The following SLC4A4 variants were observed in gnomAD, a reference collection of about 807,000 sequenced individuals.
SLC4A4 encodes solute carrier family 4 member 4.
A neutral mutation model predicts 111.5 loss-of-function variants in SLC4A4; 27 were observed. That is an observed-to-expected ratio of 0.24 (90% confidence interval 0.18 to 0.33). The LOEUF (loss-of-function observed/expected upper bound fraction) is 0.33, where lower values mean the gene tolerates loss of function less well. SLC4A4 is among the 10% of genes least tolerant of loss of function. The pLI, the probability that SLC4A4 is intolerant of heterozygous loss-of-function variation, is 1.00. For synonymous variants in SLC4A4, 443 were observed against 463.4 expected, an observed-to-expected ratio of 0.96 and a Z score of 0.57; for missense variants, 909 against 1,315.5, an observed-to-expected ratio of 0.69 and a Z score of 4.78.
At chr4:71,152,800 T>G (rs1744344429) in intron 2 of SLC4A4, among the ~76,000 whole-genome samples, 5 of 151,606 alleles carry the variant, frequency 3.3e-5, no homozygotes, top group Admixed American at 3.3e-4. Flanking sequence ...TTTCTATGCT[T>G]ATTTCACCTT....
chr4:71,451,114 C>G, intron 10 of SLC4A4, 74 bp from the exon 11 acceptor site: 1 of 976,368 alleles, frequency 1.0e-6, no homozygotes, highest in Admixed American at 1.8e-5. Context: ...CCCCATTAGC[C>G]AGAGCATGAT....
chr4:71,362,901 G>T (rs1466676974), intron 6 of SLC4A4, among the ~76,000 whole-genome samples: 1 of 152,086 alleles, frequency 6.6e-6, no homozygotes, highest in African/African-American at 2.4e-5. Context: ...CTCCATATTT[G>T]TAGGCACCCC....
At chr4:71,518,814 G>T (rs1732649802) in intron 16 of SLC4A4, among the ~76,000 whole-genome samples, 1 of 152,210 alleles carries the variant, frequency 6.6e-6, no homozygotes, top group South Asian at 2.1e-4. Flanking sequence ...GAGCCAGCCT[G>T]GTGTGGGGGC....
At chr4:71,324,287 T>C (rs9684793) in intron 3 of SLC4A4, among the ~76,000 whole-genome samples, 131,011 of 151,952 alleles carry the variant, frequency 0.86, 57,231 homozygotes, top group Non-Finnish European at 0.94. Flanking sequence ...GTTACTTAGT[T>C]TAGGTCACCA....
chr4:71,220,352 C>T (rs1204114495), intron 1 of SLC4A4, among the ~76,000 whole-genome samples: 1 of 152,098 alleles, frequency 6.6e-6, no homozygotes, highest in Admixed American at 6.5e-5. Context: ...GTAGTATAAA[C>T]GTAACTTTTA....
upstream of SLC4A4, among the ~76,000 whole-genome samples, chr4:71,182,535 A>G (rs570641921): frequency 7.4e-4 from 112 of 152,234 alleles, no homozygotes; most frequent in African/African-American, 2.6e-3. Flanking sequence ...GTCTCCAAGC[A>G]ATGGAACAGC....
At chr4:71,531,355 A>T (rs948731279) in intron 16 of SLC4A4, among the ~76,000 whole-genome samples, 1 of 152,188 alleles carries the variant, frequency 6.6e-6, no homozygotes, top group African/African-American at 2.4e-5. Context: ...GTCACATGCA[A>T]GAAGTGGTAG....
At chr4:71,514,550 G>T (rs1170596308) in intron 16 of SLC4A4, among the ~76,000 whole-genome samples, 1 of 152,146 alleles carries the variant, frequency 6.6e-6, no homozygotes, top group African/African-American at 2.4e-5. Context: ...CTCTTCAATT[G>T]TGTGGAATAG....
At chr4:71,076,818 A>G (rs1393312794) in intron 1 of SLC4A4, among the ~76,000 whole-genome samples, 1 of 151,908 alleles carries the variant, frequency 6.6e-6, no homozygotes, top group Non-Finnish European at 1.5e-5. Context: ...TGGCAAAACC[A>G]CATTTTTACA....
At chr4:71,260,992 G>A (rs114750128) in intron 3 of SLC4A4, among the ~76,000 whole-genome samples, 58 of 152,310 alleles carry the variant, frequency 3.8e-4, no homozygotes, top group Non-Finnish European at 6.6e-4. Context: ...ACTCTGTAGA[G>A]CTTAATTCCT....
At chr4:71,332,720 C>T (rs1252904348) in intron 3 of SLC4A4, among the ~76,000 whole-genome samples, 1 of 152,244 alleles carries the variant, frequency 6.6e-6, no homozygotes, top group Non-Finnish European at 1.5e-5. Context: ...GCGTGAGCCA[C>T]CGCGCCCGGC....
chr4:71,500,691 T>TAA (rs1487436614), intron 16 of SLC4A4, among the ~76,000 whole-genome samples: 1 of 152,208 alleles, frequency 6.6e-6, no homozygotes, highest in Non-Finnish European at 1.5e-5. Context: ...TGCATGTTGA[T>TAA]ATCTAGTTCA....
chr4:71,087,914 A>G (rs989175030), intron 1 of SLC4A4, among the ~76,000 whole-genome samples: 3 of 151,906 alleles, frequency 2.0e-5, no homozygotes, highest in Non-Finnish European at 4.4e-5. Context: ...GTAGATGTCT[A>G]TTAGGTCTGC....
chr4:71,432,190 A>G (rs1723698954), intron 7 of SLC4A4, among the ~76,000 whole-genome samples: 1 of 152,186 alleles, frequency 6.6e-6, no homozygotes. Flanking sequence ...GAGTGTAAGT[A>G]TATAAAACAG....
At chr4:71,134,865 A>G (rs945500073) in intron 2 of SLC4A4, among the ~76,000 whole-genome samples, 10 of 152,166 alleles carry the variant, frequency 6.6e-5, no homozygotes, top group African/African-American at 2.4e-4. Flanking sequence ...AATTTTAGGT[A>G]GGATGTTGGG....
intron 16 of SLC4A4, among the ~76,000 whole-genome samples, chr4:71,530,137 G>A (rs1733788251): frequency 6.6e-6 from 1 of 152,072 alleles, no homozygotes; most frequent in African/African-American, 2.4e-5. Context: ...TGTCATTAAT[G>A]GGCTTTTAAT....
At chr4:71,559,724 A>G (rs1333209104) in intron 22 of SLC4A4, among the ~76,000 whole-genome samples, 14 of 151,840 alleles carry the variant, frequency 9.2e-5, no homozygotes, top group Admixed American at 9.2e-4. Flanking sequence ...AATTTTTAAT[A>G]CTTAGAAATC....
intron 12 of SLC4A4, among the ~76,000 whole-genome samples, chr4:71,454,828 G>A (rs1726077958): frequency 6.6e-6 from 1 of 152,106 alleles, no homozygotes; most frequent in African/African-American, 2.4e-5. Flanking sequence ...TTCATGGCTG[G>A]ATGGTGGGTT....
rs180717740 is a variant in SLC4A4 at position 71,130,747 on chromosome 4, G to A, written c.-2+37955G>A. 4.5e-4 allele frequency among the ~76,000 whole-genome samples: 68 copies of A among 152,164 alleles called. 1 individual carries two copies. The highest frequency in any genetic ancestry group is 1.5e-3 in the African/African-American group (61 of 41,512). On this transcript the variant is annotated intron_variant, in intron 2 of 26. Coordinates refer to the SLC4A4 transcript ENST00000649996. ...TTGCAGCTTCTCAAAGGCAAACCTC[G>A]CTCATATACTTTTGTATCCCTCACT...
Sources: allele counts gnomAD v4.1 joint callset (sites outside exome capture counted in the v4.1 genomes callset), GRCh38; gene constraint gnomAD v4.1.1; transcripts MANE v1.5; gene names NCBI Gene and HGNC (gene_info 2026-07-23, HGNC 2026-07-21).